Variants in DOCK5 observed in about 807,000 individuals in gnomAD.
DOCK5 encodes dedicator of cytokinesis protein 5.
Under a neutral mutation model 251.8 loss-of-function variants are expected in DOCK5, and 142 were observed. The ratio of observed to expected loss-of-function variants is 0.56; its 90% CI spans 0.49 to 0.65. DOCK5 has a LOEUF of 0.65. Ranked by LOEUF, DOCK5 falls within the 30% of genes least tolerant of loss-of-function variation. The probability of loss-of-function intolerance (pLI) is 0.00; values close to 1 mark genes in which losing one functional copy is unlikely to be tolerated. For missense variants in DOCK5, 2,111 were observed against 2,312.3 expected (o/e 0.91, Z 1.79); for synonymous variants, 842 against 835.5 (o/e 1.01, Z -0.13).
chr8:25,302,514 C>G, intron 10 of DOCK5, 60 bp downstream of exon 10: 1 of 1,418,240 alleles, frequency 7.1e-7, no homozygotes. Context: ...AATAGCATGG[C>G]GATTTCTCAA....
intron 2 of DOCK5, 127 bp from the exon 3 acceptor site, chr8:25,268,718 C>A: frequency 1.4e-6 from 1 of 727,090 alleles, no homozygotes; most frequent in South Asian, 1.8e-5. Context: ...TTCTAACGTA[C>A]TGTTAATTGT....
chr8:25,329,614 A>T (rs1265351072), intron 18 of DOCK5, among the ~76,000 whole-genome samples: 1 of 152,190 alleles, frequency 6.6e-6, no homozygotes, highest in Non-Finnish European at 1.5e-5. Flanking sequence ...CATAATATTT[A>T]ATATGGTTGA....
intron 1 of DOCK5, among the ~76,000 whole-genome samples, chr8:25,207,212 T>C (rs192445477): frequency 6.6e-6 from 1 of 152,162 alleles, no homozygotes; most frequent in Non-Finnish European, 1.5e-5. Flanking sequence ...TGAAGTTTGA[T>C]GAAAGAAGTT....
In DOCK5 at chr8:25,366,609, A is replaced by G. The variant is rs1269666466; in HGVS notation, c.3124-261A>G. Among the ~76,000 whole-genome samples, 5 of 152,316 alleles carry G rather than the reference A, an allele frequency of 3.3e-5. No homozygotes were observed. The South Asian group carries it at 1.0e-3, about 32-fold the overall frequency. On this transcript the variant is annotated intron_variant, in intron 30 of 51. Transcript: ENST00000276440. ...CATAGTGCCAAAGTACATACTATAA[A>G]TAGATACACTTCTTGGCAGCAGTTT... is the stretch of plus-strand genomic sequence containing the variant.
At chr8:25,270,173 G>A (rs956686951) in intron 3 of DOCK5, among the ~76,000 whole-genome samples, 51 of 152,160 alleles carry the variant, frequency 3.4e-4, no homozygotes, top group African/African-American at 1.2e-3. Context: ...TCAAGCCAGA[G>A]AATGAATTTT....
chr8:25,358,971 T>G lies in DOCK5; in HGVS notation c.2859T>G (p.Phe953Leu). The change falls in exon 28 of 52, where the codon TTT becomes TTG. Residue 953 changes from phenylalanine to leucine, a missense_variant. Phe to Leu is a conservative substitution (Grantham distance 22). This residue lies in a region of DOCK5 where 1,717 missense variants were observed against 1,892.4 expected (regional missense o/e 0.91). Coordinates refer to ENST00000276440, the MANE Select transcript of DOCK5 (RefSeq NM_024940.8). The stretch of plus-strand genomic sequence containing the variant: ...TTTCCTTTTCCTTCCAGGGGAGTTT[T>G]GTGGCTTGCATGATTGCCCTGCTGC... ...MNRQSPHIGS[F>L]VACMIALLQQ... is the part of the protein sequence containing the mutation. 3.1e-6 allele frequency: 5 copies of G among 1,613,978 alleles called. No homozygotes were observed. In the South Asian group the frequency reaches 5.5e-5, roughly 18 times the overall value.
At chr8:25,190,048 G>A (rs1331815652) in intron 1 of DOCK5, among the ~76,000 whole-genome samples, 2 of 152,150 alleles carry the variant, frequency 1.3e-5, no homozygotes, top group East Asian at 1.9e-4. Flanking sequence ...CACCACGCCC[G>A]GCCAGTTTTT....
At chr8:25,297,956 C>A (rs1296451744) in intron 7 of DOCK5, among the ~76,000 whole-genome samples, 1 of 151,292 alleles carries the variant, frequency 6.6e-6, no homozygotes, top group Non-Finnish European at 1.5e-5. Context: ...ACCCAGGAGG[C>A]TGAGGCAGGA....
intron 2 of DOCK5, 45 bp from the exon 3 acceptor site, chr8:25,268,800 T>C: frequency 6.6e-7 from 1 of 1,513,566 alleles, no homozygotes; most frequent in South Asian, 1.2e-5. Flanking sequence ...CTTTATGATA[T>C]CCCAGAAAAC....
intron 1 of DOCK5, among the ~76,000 whole-genome samples, chr8:25,187,480 C>T (rs1345663502): frequency 6.6e-6 from 1 of 151,454 alleles, no homozygotes; most frequent in Admixed American, 6.6e-5. Context: ...TTTCACCAGA[C>T]ATAGATTCTG....
At chr8:25,390,153 G>A (rs546113590) in intron 41 of DOCK5, 53 bp from the exon 42 acceptor site, 11 of 1,496,486 alleles carry the variant, frequency 7.4e-6, no homozygotes, top group Middle Eastern at 1.8e-4. Context: ...GGTGTTTGGT[G>A]TCTGACACCT....
chr8:25,200,575 T>C (rs1412069921), intron 1 of DOCK5, among the ~76,000 whole-genome samples: 1 of 150,854 alleles, frequency 6.6e-6, no homozygotes, highest in African/African-American at 2.4e-5. Context: ...CCCTACCTAA[T>C]ACCACATAAA....
chr8:25,341,756 C>G lies in DOCK5; in HGVS notation c.2457C>G (p.Tyr819Ter). Residue 819 changes from tyrosine to a stop codon, truncating the protein, a stop_gained, in exon 24 of 52, where the codon TAC becomes TAG. Transcript: ENST00000276440. LOFTEE classifies it high-confidence loss of function. Reference protein sequence around the residue: ...AVKIKGAALKYLPSIINDVKL... With the variant: ...AVKIKGAALK ...TCTTACAGGGGGCAGCTTTGAAGTACCTTCCTAGCATAATTAATGATGTCA... is the reference window on the plus strand; with the variant it reads ...TCTTACAGGGGGCAGCTTTGAAGTAGCTTCCTAGCATAATTAATGATGTCA... 1 of 1,578,638 alleles carries G rather than the reference C, an allele frequency of 6.3e-7. No individual in the cohort carries two copies. The highest frequency in any genetic ancestry group is 8.6e-7 in the Non-Finnish European group (1 of 1,160,368).
At chr8:25,356,839 A>AT (rs768460464) in intron 27 of DOCK5, among the ~76,000 whole-genome samples, 43 of 150,342 alleles carry the variant, frequency 2.9e-4, no homozygotes, top group Non-Finnish European at 4.3e-4. Context: ...GGATTCATGG[A>AT]TTTTTTATAG....
At chr8:25,288,793 T>C (rs1384220782) in intron 5 of DOCK5, among the ~76,000 whole-genome samples, 2 of 152,202 alleles carry the variant, frequency 1.3e-5, no homozygotes, top group African/African-American at 2.4e-5. Context: ...TATATAAGAT[T>C]GAAGGAAAAA....
intron 18 of DOCK5, among the ~76,000 whole-genome samples, chr8:25,327,701 G>C (rs1805596631): frequency 6.6e-6 from 1 of 152,156 alleles, no homozygotes; most frequent in Non-Finnish European, 1.5e-5. Flanking sequence ...CCAGACACAT[G>C]TAGCTTGTAA....
At chr8:25,301,988 C>T (rs563911690) in intron 9 of DOCK5, among the ~76,000 whole-genome samples, 3 of 152,284 alleles carry the variant, frequency 2.0e-5, no homozygotes, top group Admixed American at 6.5e-5. Context: ...TGCTGAGATA[C>T]GTCCAAAGAT....
intron 11 of DOCK5, 67 bp from the exon 12 acceptor site, chr8:25,308,716 C>T: frequency 2.6e-6 from 4 of 1,563,026 alleles, no homozygotes; most frequent in Non-Finnish European, 1.8e-6. Context: ...TCACCATTAT[C>T]TGAGGTTGTG....
At chr8:25,336,026 AT>A (rs1805796100) in intron 21 of DOCK5, among the ~76,000 whole-genome samples, 1 of 152,226 alleles carries the variant, frequency 6.6e-6, no homozygotes, top group African/African-American at 2.4e-5. Context: ...CTTTTCTAGT[AT>A]TTCTCAGCAG....
Sources: gnomAD v4.1 joint callset for allele counts (sites outside exome capture counted in the v4.1 genomes callset) on GRCh38, gnomAD v4.1.1 for gene constraint, gnomAD v4.1.1 regional missense constraint, MANE v1.5 for transcripts, NCBI Gene and HGNC (gene_info 2026-07-23, HGNC 2026-07-21) for gene names.